Variants in SLC24A3 observed in about 807,000 individuals in gnomAD.
SLC24A3 encodes sodium/potassium/calcium exchanger 3.
In SLC24A3, 28 loss-of-function variants were observed where a neutral mutation model predicts 75.8. That is an observed-to-expected ratio of 0.37 (90% CI 0.27 to 0.51). The LOEUF is 0.51. SLC24A3 is among the 20% of genes least tolerant of loss of function. The probability of loss-of-function intolerance (pLI) is 0.94; values close to 1 mark genes in which losing one functional copy is unlikely to be tolerated. For synonymous variants in SLC24A3, 372 were observed against 334.1 expected (o/e 1.11, Z -1.24); for missense variants, 663 against 847.8 (o/e 0.78, Z 2.71).
intron 2 of SLC24A3, among the ~76,000 whole-genome samples, chr20:19,372,991 C>T (rs1162166922): frequency 1.3e-5 from 2 of 151,966 alleles, no homozygotes; most frequent in East Asian, 3.9e-4. Context: ...ATGAATTGCA[C>T]AGAAAGACTC....
At chr20:19,672,816 T>C (rs1251123461) in intron 8 of SLC24A3, among the ~76,000 whole-genome samples, 11 of 152,218 alleles carry the variant, frequency 7.2e-5, no homozygotes, top group Admixed American at 7.2e-4. Flanking sequence ...GATCAGCTTC[T>C]AGACATGGAA....
chr20:19,298,218 C>G (rs1799172706), intron 2 of SLC24A3, among the ~76,000 whole-genome samples: 1 of 152,230 alleles, frequency 6.6e-6, no homozygotes, highest in South Asian at 2.1e-4. Flanking sequence ...ACAAGGCCCC[C>G]TGCATGAACA....
chr20:19,634,761 G>A (rs2031978647), intron 6 of SLC24A3, among the ~76,000 whole-genome samples: 2 of 152,048 alleles, frequency 1.3e-5, no homozygotes, highest in African/African-American at 2.4e-5. Context: ...GTGATTGACT[G>A]GAAGCCGGGG....
intron 6 of SLC24A3, among the ~76,000 whole-genome samples, chr20:19,601,473 G>A (rs767977958): frequency 2.0e-5 from 3 of 152,278 alleles, no homozygotes; most frequent in East Asian, 1.9e-4. Flanking sequence ...ATGTATCTGC[G>A]TCATCCCTCC....
chr20:19,606,148 T>C (rs1452014456), intron 6 of SLC24A3, among the ~76,000 whole-genome samples: 4 of 152,192 alleles, frequency 2.6e-5, no homozygotes, highest in Non-Finnish European at 5.9e-5. Context: ...GCTCAATAGA[T>C]TCCTCTCCCT....
chr20:19,525,609 G>C (rs1325635741), intron 3 of SLC24A3, among the ~76,000 whole-genome samples: 2 of 152,104 alleles, frequency 1.3e-5, no homozygotes, highest in Non-Finnish European at 2.9e-5. Context: ...GGCTGCTTGG[G>C]GGTCCCAAAC....
At chr20:19,323,205 CAAA>C (rs1172583632) in intron 2 of SLC24A3, among the ~76,000 whole-genome samples, 4 of 61,126 alleles carry the variant, frequency 6.5e-5, no homozygotes, top group Admixed American at 3.6e-4. Context: ...GACTCCGTCT[CAAA>C]AAAAAAAAAA....
At chr20:19,609,310 A>AT (rs950772762) in intron 6 of SLC24A3, among the ~76,000 whole-genome samples, 117 of 148,058 alleles carry the variant, frequency 7.9e-4, no homozygotes, top group South Asian at 2.4e-3. Context: ...TTATAACCTG[A>AT]TTTTTTTTTT....
At chr20:19,283,406 A>G (rs902274231) in intron 2 of SLC24A3, among the ~76,000 whole-genome samples, 1 of 152,234 alleles carries the variant, frequency 6.6e-6, no homozygotes, top group Admixed American at 6.5e-5. Flanking sequence ...GTGAATTCAA[A>G]CCAACTAAAA....
At chr20:19,437,918 G>A (rs1302886549) in intron 2 of SLC24A3, among the ~76,000 whole-genome samples, 1 of 152,206 alleles carries the variant, frequency 6.6e-6, no homozygotes, top group Non-Finnish European at 1.5e-5. Flanking sequence ...GCCACAAGCT[G>A]GTGAAGGGAC....
At chr20:19,454,008 A>G (rs979088172) in intron 2 of SLC24A3, among the ~76,000 whole-genome samples, 4 of 152,240 alleles carry the variant, frequency 2.6e-5, no homozygotes, top group African/African-American at 9.6e-5. Flanking sequence ...ACAAGCTGCT[A>G]TCTTCAGATG....
intron 2 of SLC24A3, among the ~76,000 whole-genome samples, chr20:19,339,501 G>T (rs1332332711): frequency 6.6e-6 from 1 of 152,188 alleles, no homozygotes; most frequent in Non-Finnish European, 1.5e-5. Context: ...AAAAGTAGAA[G>T]AAACAGGTTA....
intron 3 of SLC24A3, among the ~76,000 whole-genome samples, chr20:19,531,790 A>G (rs1426323284): frequency 6.6e-6 from 1 of 152,200 alleles, no homozygotes; most frequent in Non-Finnish European, 1.5e-5. Flanking sequence ...GTTAGACCAC[A>G]GCGAAAAGTG....
intron 3 of SLC24A3, among the ~76,000 whole-genome samples, chr20:19,536,991 A>G (rs929854691): frequency 1.3e-5 from 2 of 152,230 alleles, no homozygotes; most frequent in African/African-American, 4.8e-5. Flanking sequence ...ATAAAACACC[A>G]AAAGCAATGG....
chr20:19,481,190 C>T (rs1468567276), intron 2 of SLC24A3, among the ~76,000 whole-genome samples: 1 of 150,986 alleles, frequency 6.6e-6, no homozygotes, highest in Non-Finnish European at 1.5e-5. Flanking sequence ...GCAACACTCT[C>T]AAGAGAAGGT....
chr20:19,320,109 C>T (rs1321605625), intron 2 of SLC24A3, among the ~76,000 whole-genome samples: 1 of 152,162 alleles, frequency 6.6e-6, no homozygotes, highest in African/African-American at 2.4e-5. Flanking sequence ...TGCCTGGAGC[C>T]CAGTGTGTTT....
intron 2 of SLC24A3, among the ~76,000 whole-genome samples, chr20:19,461,844 C>A (rs1318043352): frequency 6.6e-6 from 1 of 152,094 alleles, no homozygotes; most frequent in East Asian, 1.9e-4. Context: ...CCAAGTACTT[C>A]ATCTACCTAT....
At chr20:19,252,643 C>CGGGGGGGGG (rs35974779) in intron 1 of SLC24A3, among the ~76,000 whole-genome samples, 3 of 133,442 alleles carry the variant, frequency 2.2e-5, no homozygotes, top group Admixed American at 1.5e-4. Flanking sequence ...ATTGGAATGG[C>CGGGGGGGGG]GGGGGGGGGT....
chr20:19,382,956 G>C (rs1391140684), intron 2 of SLC24A3, among the ~76,000 whole-genome samples: 1 of 152,164 alleles, frequency 6.6e-6, no homozygotes, highest in Admixed American at 6.6e-5. Flanking sequence ...CTGCCAAAAC[G>C]TATTTTCCAT....
Sources: allele counts gnomAD v4.1 joint callset (sites outside exome capture counted in the v4.1 genomes callset), GRCh38; gene constraint gnomAD v4.1.1; transcripts MANE v1.5; gene names NCBI Gene and HGNC (gene_info 2026-07-23, HGNC 2026-07-21).